GALNTL6: variants seen among roughly 807,000 people sequenced by gnomAD.
GALNTL6 encodes polypeptide N-acetylgalactosaminyltransferase-like 6.
In GALNTL6, 46 loss-of-function variants were observed where a neutral mutation model predicts 73.7. That is an observed-to-expected ratio of 0.62 (90% CI 0.49 to 0.80). The LOEUF is 0.80. GALNTL6 is among the 30% of genes least tolerant of loss of function. GALNTL6 has a pLI of 0.00. For missense variants in GALNTL6, 604 were observed against 755.0 expected (o/e 0.80, Z 2.34); for synonymous variants, 259 against 263.7 (o/e 0.98, Z 0.17).
At chr4:172,847,796 T>C (rs1326241621) in intron 7 of GALNTL6, among the ~76,000 whole-genome samples, 3 of 152,196 alleles carry the variant, frequency 2.0e-5, no homozygotes, top group African/African-American at 7.2e-5. Flanking sequence ...TGAGGACATC[T>C]ATGTAAATCA....
intron 2 of GALNTL6, among the ~76,000 whole-genome samples, chr4:172,154,689 A>G (rs1231205035): frequency 6.6e-6 from 1 of 152,244 alleles, no homozygotes; most frequent in Non-Finnish European, 1.5e-5. Context: ...GAAAACTGGC[A>G]GGCATACTTC....
At chr4:172,977,572 A>T (rs1376818341) in intron 10 of GALNTL6, among the ~76,000 whole-genome samples, 1 of 152,202 alleles carries the variant, frequency 6.6e-6, no homozygotes, top group Non-Finnish European at 1.5e-5. Flanking sequence ...GTAAAGGAAA[A>T]AGAATATTTG....
At chr4:172,525,471 CTTTT>C (rs1188604616) in intron 5 of GALNTL6, among the ~76,000 whole-genome samples, 1 of 152,052 alleles carries the variant, frequency 6.6e-6, no homozygotes, top group Non-Finnish European at 1.5e-5. Flanking sequence ...TGGTTTTAAA[CTTTT>C]TTTAATTTCT....
In GALNTL6 at chr4:172,615,192, A is replaced by ATT. The variant is rs1560837175; in HGVS notation, c.554-194169_554-194168insTT. Among the ~76,000 whole-genome samples the ATT allele has an allele frequency of 8.6e-5, 13 of 150,530 alleles. No individual in the cohort carries two copies. In the East Asian group the frequency reaches 1.4e-3, roughly 16 times the overall value. On this transcript the variant is annotated intron_variant, in intron 5 of 12. Transcript: ENST00000506823. ...GCTGTTAATAAGGCAGGTAGTTTAA[A>ATT]AAAAAAAAAAAAGACTAGTCTAATA... is the stretch of plus-strand genomic sequence containing the variant.
chr4:172,970,813 T>C (rs1203175299), intron 10 of GALNTL6, among the ~76,000 whole-genome samples: 1 of 152,226 alleles, frequency 6.6e-6, no homozygotes, highest in Non-Finnish European at 1.5e-5. Flanking sequence ...TGGGAACTAA[T>C]AAATCTCCAT....
At chr4:172,384,261 T>C (rs1011245880) in intron 5 of GALNTL6, among the ~76,000 whole-genome samples, 1 of 152,128 alleles carries the variant, frequency 6.6e-6, no homozygotes, top group Non-Finnish European at 1.5e-5. Flanking sequence ...GTTTTCCTAA[T>C]TACTGTTTCA....
intron 2 of GALNTL6, among the ~76,000 whole-genome samples, chr4:171,837,561 A>G (rs1387474915): frequency 1.4e-5 from 2 of 147,494 alleles, no homozygotes; most frequent in African/African-American, 2.5e-5. Flanking sequence ...ATATATAAAT[A>G]CATATTATAT....
chr4:172,347,257 C>T (rs1476796248), intron 4 of GALNTL6, among the ~76,000 whole-genome samples: 7 of 152,036 alleles, frequency 4.6e-5, no homozygotes, highest in South Asian at 4.1e-4. Context: ...CCCAAAGTGC[C>T]GGGATTGCAG....
At position 172,861,912 on chromosome 4, in the gene GALNTL6, T is replaced by C. The variant is rs143541813; in HGVS notation, c.924-20878T>C. On this transcript the variant is annotated intron_variant, in intron 7 of 12. Transcript: ENST00000506823. ...CCTTTATAAATTACCCAGTCTCAGG[T>C]ATGTCCTTATTAGCAGTGTGAGAAC... Among the ~76,000 whole-genome samples, 830 of 152,306 alleles carry C rather than the reference T, an allele frequency of 5.4e-3. 9 individuals carry two copies. Among genetic ancestry groups the C allele is most frequent in the African/African-American group, 0.018 (755 of 41,572 alleles).
chr4:172,179,988 A>G (rs1735184022), intron 2 of GALNTL6, among the ~76,000 whole-genome samples: 2 of 152,180 alleles, frequency 1.3e-5, no homozygotes, highest in Non-Finnish European at 2.9e-5. Context: ...GTCAAATGGT[A>G]TTTCTAGTTC....
At chr4:172,214,795 G>A (rs1367574302) in intron 2 of GALNTL6, among the ~76,000 whole-genome samples, 2 of 152,070 alleles carry the variant, frequency 1.3e-5, no homozygotes, top group Non-Finnish European at 2.9e-5. Context: ...TAACAGATGT[G>A]AGGCACCGTG....
intron 5 of GALNTL6, among the ~76,000 whole-genome samples, chr4:172,638,384 A>G (rs1472866409): frequency 6.6e-6 from 1 of 152,080 alleles, no homozygotes; most frequent in African/African-American, 2.4e-5. Flanking sequence ...CCCAGGAAAT[A>G]AGCTCCTGTA....
intron 2 of GALNTL6, among the ~76,000 whole-genome samples, chr4:171,915,665 A>C (rs976597852): frequency 6.6e-6 from 1 of 152,176 alleles, no homozygotes; most frequent in African/African-American, 2.4e-5. Flanking sequence ...TTTGTGAATA[A>C]AGTATTGTTA....
intron 2 of GALNTL6, among the ~76,000 whole-genome samples, chr4:172,087,791 GC>G (rs1732093038): frequency 6.6e-6 from 1 of 150,968 alleles, no homozygotes; most frequent in South Asian, 2.1e-4. Context: ...AAATTTAGGG[GC>G]CAGTGAGTTT....
intron 5 of GALNTL6, among the ~76,000 whole-genome samples, chr4:172,486,092 G>A (rs1425576279): frequency 1.3e-5 from 2 of 152,164 alleles, no homozygotes; most frequent in African/African-American, 4.8e-5. Flanking sequence ...AAGATATGAT[G>A]TGCGCTGGAG....
intron 7 of GALNTL6, among the ~76,000 whole-genome samples, chr4:172,832,800 A>G (rs111826906): frequency 1.3e-5 from 2 of 152,148 alleles, no homozygotes; most frequent in Admixed American, 6.5e-5. Flanking sequence ...TCTCTCTCCT[A>G]TCTGGGTGGC....
chr4:172,989,172 AC>A (rs1751432347), intron 10 of GALNTL6, among the ~76,000 whole-genome samples: 1 of 152,176 alleles, frequency 6.6e-6, no homozygotes, highest in Non-Finnish European at 1.5e-5. Context: ...TATGAAATCA[AC>A]CAAGGAGGCT....
chr4:172,244,759 G>A lies in GALNTL6; in HGVS notation c.247+14995G>A, dbSNP rs902564205. 3.3e-5 allele frequency among the ~76,000 whole-genome samples: 5 copies of A among 152,086 alleles called. No homozygotes were observed. The East Asian group carries it at 7.7e-4, about 23-fold the overall frequency. Reference sequence around the variant, plus strand: ...ACACAATCTCAAAAATTTTTCACAAGGGGGTCTATATAAACATATTTCAAG... The same window carrying A: ...ACACAATCTCAAAAATTTTTCACAAAGGGGTCTATATAAACATATTTCAAG... On this transcript the variant is annotated intron_variant, in intron 3 of 12. Transcript: ENST00000506823.
intron 2 of GALNTL6, among the ~76,000 whole-genome samples, chr4:171,973,263 G>C (rs1739623746): frequency 6.6e-6 from 1 of 152,150 alleles, no homozygotes; most frequent in African/African-American, 2.4e-5. Context: ...AGGAGGGCGT[G>C]TATCAGTTTG....
Sources: allele counts gnomAD v4.1 joint callset (sites outside exome capture counted in the v4.1 genomes callset), GRCh38; gene constraint gnomAD v4.1.1; transcripts MANE v1.5; gene names NCBI Gene and HGNC (gene_info 2026-07-23, HGNC 2026-07-21).